The following TMEM108 variants were observed in gnomAD, a reference collection of about 807,000 sequenced individuals.
TMEM108 encodes the protein cancer/testis antigen 124.
In TMEM108, 12 loss-of-function variants were observed where a neutral mutation model predicts 35.1. That is an observed-to-expected ratio of 0.34 (90% CI 0.22 to 0.55). TMEM108 has a LOEUF of 0.55. Ranked by LOEUF, TMEM108 falls within the 20% of genes least tolerant of loss-of-function variation. The probability of loss-of-function intolerance (pLI) is 0.89; values close to 1 mark genes in which losing one functional copy is unlikely to be tolerated. For synonymous variants in TMEM108, 287 were observed against 308.6 expected (o/e 0.93, Z 0.73); for missense variants, 680 against 753.3 (o/e 0.90, Z 1.14).
chr3:133,253,743 A>G (rs1946504421), intron 3 of TMEM108, among the ~76,000 whole-genome samples: 1 of 152,170 alleles, frequency 6.6e-6, no homozygotes, highest in Admixed American at 6.5e-5. Context: ...GGTTAATTTA[A>G]TTTTACCTGC....
intron 2 of TMEM108, among the ~76,000 whole-genome samples, chr3:133,186,587 C>T (rs574867744): frequency 2.0e-5 from 3 of 152,290 alleles, no homozygotes; most frequent in Non-Finnish European, 4.4e-5. Context: ...AAATGTCAGT[C>T]TGAGAGCATA....
intron 3 of TMEM108, among the ~76,000 whole-genome samples, chr3:133,342,162 T>C (rs923994489): frequency 3.3e-5 from 5 of 151,518 alleles, no homozygotes; most frequent in African/African-American, 9.7e-5. Context: ...TCAGGAAATA[T>C]AAATTTCAAA....
intron 3 of TMEM108, among the ~76,000 whole-genome samples, chr3:133,336,940 G>A (rs111717494): frequency 2.0e-4 from 31 of 152,190 alleles, no homozygotes; most frequent in African/African-American, 5.8e-4. Flanking sequence ...TGGTAGTAGC[G>A]GCTGTGAGGT....
intron 2 of TMEM108, among the ~76,000 whole-genome samples, chr3:133,195,146 C>T (rs561872062): frequency 1.1e-4 from 16 of 152,164 alleles, no homozygotes; most frequent in African/African-American, 2.6e-4. Flanking sequence ...TAATAAGAAA[C>T]GACAACTAAT....
At position 133,073,510 on chromosome 3, in the gene TMEM108, C is replaced by CTCTATA; in HGVS notation, c.-47+27491_-47+27492insCTATAT. On this transcript the variant is annotated intron_variant, in intron 2 of 5. Coordinates refer to ENST00000321871, the MANE Select transcript of TMEM108 (RefSeq NM_023943.4). ...TCTCTCTCTCTCTCTCTCTCTCTCT[C>CTCTATA]TATATATATATATATATATATATAT... is the stretch of plus-strand genomic sequence containing the variant. Among the ~76,000 whole-genome samples the CTCTATA allele has an allele frequency of 4.9e-3, 214 of 43,886 alleles. 1 individual carries two copies. The highest frequency in any genetic ancestry group is 0.016 in the African/African-American group (135 of 8,422). 28.8% of individuals were successfully genotyped at this position (43,886 alleles called of 152,430 possible). A position where few individuals can be genotyped will look rare whatever the true frequency, so the allele number is the denominator to read the frequency against.
At chr3:133,389,500 A>G (rs2073200933) in intron 4 of TMEM108, 2 of 582,154 alleles carry the variant, frequency 3.4e-6, no homozygotes, top group African/African-American at 4.0e-5. Flanking sequence ...CCTAACCAAC[A>G]TGGCAAAACC....
chr3:133,349,968 T>C (rs868191998), intron 3 of TMEM108, among the ~76,000 whole-genome samples: 2 of 152,108 alleles, frequency 1.3e-5, no homozygotes, highest in Non-Finnish European at 1.5e-5. Context: ...TCAAAAGATA[T>C]CTGCACTCTT....
Position 133,057,433 on chromosome 3 carries a change from GTGTATATATATATATATA to G in TMEM108, c.-47+11415_-47+11432del, listed in dbSNP as rs1477184922. ...TATGGGCTATTAGTTGTGTGTGTGT[GTGTATATATATATATATA>G]TATATATATATATATATATATATAT... On this transcript the variant is annotated intron_variant, in intron 2 of 5. Coordinates refer to ENST00000321871, the MANE Select transcript of TMEM108 (RefSeq NM_023943.4). 3.8e-3 allele frequency among the ~76,000 whole-genome samples: 95 copies of G among 24,850 alleles called. 1 individual carries two copies. The highest frequency in any genetic ancestry group is 0.02 in the South Asian group (11 of 542). 16.3% of individuals were successfully genotyped at this position (24,850 alleles called of 152,430 possible).
intron 2 of TMEM108, among the ~76,000 whole-genome samples, chr3:133,225,463 C>A (rs535975118): frequency 8.6e-4 from 130 of 151,916 alleles, no homozygotes; most frequent in African/African-American, 3.0e-3. Flanking sequence ...GCTGTTGTAC[C>A]CCCCTCCCCC....
chr3:133,217,196 A>G (rs73217507), intron 2 of TMEM108, among the ~76,000 whole-genome samples: 6,377 of 151,990 alleles, frequency 0.042, 170 homozygotes, highest in Non-Finnish European at 0.062. Context: ...GATGTTGAGC[A>G]TTTTTTCATG....
At chr3:133,092,195 T>C (rs954516377) in intron 2 of TMEM108, among the ~76,000 whole-genome samples, 2 of 152,220 alleles carry the variant, frequency 1.3e-5, no homozygotes, top group Admixed American at 6.5e-5. Flanking sequence ...AACAGTTTAG[T>C]AATACATAGA....
chr3:133,143,921 CTTTTATTTTA>C (rs3078779), intron 2 of TMEM108, among the ~76,000 whole-genome samples: 6,545 of 131,170 alleles, frequency 0.05, 391 homozygotes, highest in African/African-American at 0.15. Flanking sequence ...GGAAGGCTCA[CTTTTATTTTA>C]TTTTATTTTA....
intron 2 of TMEM108, among the ~76,000 whole-genome samples, chr3:133,178,055 C>A (rs1481786302): frequency 6.6e-6 from 1 of 152,024 alleles, no homozygotes; most frequent in Non-Finnish European, 1.5e-5. Flanking sequence ...AGTGAACTCC[C>A]ATTCACAATT....
intron 2 of TMEM108, among the ~76,000 whole-genome samples, chr3:133,212,166 A>G (rs1945842084): frequency 6.6e-6 from 1 of 152,172 alleles, no homozygotes; most frequent in South Asian, 2.1e-4. Flanking sequence ...ACATTTCTGA[A>G]TTATGAAAGC....
chr3:133,174,652 A>C (rs1439155395), intron 2 of TMEM108, among the ~76,000 whole-genome samples: 1 of 152,212 alleles, frequency 6.6e-6, no homozygotes, highest in South Asian at 2.1e-4. Context: ...AAAAGAAAGG[A>C]CATCCATGCC....
intron 2 of TMEM108, among the ~76,000 whole-genome samples, chr3:133,110,480 A>G (rs1291921262): frequency 6.6e-6 from 1 of 152,210 alleles, no homozygotes; most frequent in Non-Finnish European, 1.5e-5. Context: ...GAATCCTTCA[A>G]TTCCATCTGA....
rs562787265 is a variant in TMEM108 at position 133,286,668 on chromosome 3, C to A, written c.40+57317C>A. Among the ~76,000 whole-genome samples, 6 of 152,318 alleles carry A rather than the reference C, an allele frequency of 3.9e-5. No individual in the cohort carries two copies. The South Asian group carries it at 1.2e-3, about 32-fold the overall frequency. On this transcript the variant is annotated intron_variant, in intron 3 of 5. Coordinates refer to ENST00000321871, the MANE Select transcript of TMEM108 (RefSeq NM_023943.4). ...CAGCTTTTCAACAATTCTGAAAATTCTCAAATGTGATTTACATGTTCCTAC... is the reference window on the plus strand; with the variant it reads ...CAGCTTTTCAACAATTCTGAAAATTATCAAATGTGATTTACATGTTCCTAC...
chr3:133,351,620 G>A (rs549569889), intron 3 of TMEM108, among the ~76,000 whole-genome samples: 5 of 152,206 alleles, frequency 3.3e-5, no homozygotes, highest in African/African-American at 1.2e-4. Flanking sequence ...AATAATAATC[G>A]ATCATAGCAG....
At chr3:133,081,362 G>A (rs1943808382) in intron 2 of TMEM108, among the ~76,000 whole-genome samples, 9 of 152,154 alleles carry the variant, frequency 5.9e-5, no homozygotes. Flanking sequence ...GAAAGAATAA[G>A]CACTCTGGTA....
Sources: allele counts gnomAD v4.1 joint callset (sites outside exome capture counted in the v4.1 genomes callset), GRCh38; gene constraint gnomAD v4.1.1; transcripts MANE v1.5; gene names NCBI Gene and HGNC (gene_info 2026-07-23, HGNC 2026-07-21).